The following RBFOX1 variants were observed in gnomAD, a reference collection of about 807,000 sequenced individuals.
RBFOX1 encodes RNA binding protein fox-1 homolog 1.
RBFOX1 carries 8 observed loss-of-function variants against 57.7 expected under a neutral mutation model. The observed-to-expected ratio is 0.14, with a 90% confidence interval of 0.08 to 0.25. RBFOX1 has a LOEUF of 0.25. RBFOX1 is among the 10% of genes least tolerant of loss of function. The probability of loss-of-function intolerance (pLI) is 1.00; values close to 1 mark genes in which losing one functional copy is unlikely to be tolerated. For synonymous variants in RBFOX1, 326 were observed against 222.4 expected, an observed-to-expected ratio of 1.47 and a Z score of -4.15; for missense variants, 611 against 548.5, an observed-to-expected ratio of 1.11 and a Z score of -1.14.
At chr16:7,509,390 CTGTGTGTGTGTGTG>C (rs34760329) in intron 4 of RBFOX1, among the ~76,000 whole-genome samples, 1 of 145,054 alleles carries the variant, frequency 6.9e-6, no homozygotes, top group African/African-American at 2.5e-5. Context: ...GAGCCAAGCC[CTGTGTGTGTGTGTG>C]TGTGTGTGTG....
intron 2 of RBFOX1, among the ~76,000 whole-genome samples, chr16:6,544,977 T>C (rs2096875254): frequency 6.6e-6 from 1 of 152,204 alleles, no homozygotes; most frequent in Non-Finnish European, 1.5e-5. Context: ...AAGCATAGGT[T>C]ATTCAGTTTA....
intron 2 of RBFOX1, among the ~76,000 whole-genome samples, chr16:6,525,786 A>G (rs2096569992): frequency 1.3e-5 from 2 of 152,050 alleles, no homozygotes; most frequent in South Asian, 4.1e-4. Flanking sequence ...TAGGGTCATG[A>G]ATCCCATTCA....
rs80250314 is a variant in RBFOX1, at chr16:6,706,469, G to A, written c.-16+51819G>A. Among the ~76,000 whole-genome samples, 447 of 152,308 alleles carry A rather than the reference G, an allele frequency of 2.9e-3. 2 individuals are homozygous for A. In the East Asian group the frequency reaches 0.046, roughly 16 times the overall value. On this transcript the variant is annotated intron_variant, in intron 3 of 15. Coordinates refer to ENST00000550418, the MANE Select transcript of RBFOX1 (RefSeq NM_018723.4). The stretch of plus-strand genomic sequence containing the variant: ...CAGCTTTGGATGGGGGGCCCCTGTA[G>A]GACAGCCTGATGGCTGGTAATGAGG...
chr16:7,220,953 G>C (rs2092682782), intron 4 of RBFOX1, among the ~76,000 whole-genome samples: 1 of 152,090 alleles, frequency 6.6e-6, no homozygotes, highest in African/African-American at 2.4e-5. Context: ...TTCAAAGACT[G>C]ATGAGAAAGG....
chr16:5,426,137 G>T (rs997209430), intron 1 of RBFOX1, among the ~76,000 whole-genome samples: 1 of 152,122 alleles, frequency 6.6e-6, no homozygotes, highest in Non-Finnish European at 1.5e-5. Context: ...TCCCTAAAGT[G>T]AGTCCATTCT....
intron 2 of RBFOX1, among the ~76,000 whole-genome samples, chr16:6,616,765 G>A (rs373258853): frequency 6.6e-6 from 1 of 152,194 alleles, no homozygotes; most frequent in East Asian, 1.9e-4. Flanking sequence ...GCAAAAGGCA[G>A]GGCTTTTCTG....
At chr16:6,944,861 T>A (rs1328707186) in intron 3 of RBFOX1, among the ~76,000 whole-genome samples, 3 of 152,144 alleles carry the variant, frequency 2.0e-5, no homozygotes, top group African/African-American at 7.2e-5. Flanking sequence ...GCAACTCCAA[T>A]TGATTGATGA....
At chr16:5,857,710 C>T (rs1444960131) in intron 3 of RBFOX1, among the ~76,000 whole-genome samples, 1 of 151,876 alleles carries the variant, frequency 6.6e-6, no homozygotes, top group African/African-American at 2.4e-5. Context: ...ACACTTGAGC[C>T]CAGGAGTTCA....
chr16:6,189,578 G>C (rs1171039063), intron 1 of RBFOX1, among the ~76,000 whole-genome samples: 4 of 152,148 alleles, frequency 2.6e-5, no homozygotes, highest in Non-Finnish European at 4.4e-5. Context: ...TGTCCCACCT[G>C]CTCTCGTTGT....
intron 3 of RBFOX1, among the ~76,000 whole-genome samples, chr16:5,660,392 CT>C (rs2049606338): frequency 6.6e-6 from 1 of 152,104 alleles, no homozygotes; most frequent in African/African-American, 2.4e-5. Flanking sequence ...GGGTCTTTGG[CT>C]CATCATTTTA....
At position 6,822,937 on chromosome 16, in the gene RBFOX1, G is replaced by T. The variant is rs565649172; in HGVS notation, c.-16+168287G>T. On this transcript the variant is annotated intron_variant, in intron 3 of 15. Transcript: ENST00000550418. ...TGCTGCTGCAGCAGAGGATAGTTCT[G>T]ATAACCATTAGAGTTCATGGACAAA... Among the ~76,000 whole-genome samples, 7 of 152,316 alleles carry T rather than the reference G, an allele frequency of 4.6e-5. No homozygotes were observed. The South Asian group carries it at 1.5e-3, about 32-fold the overall frequency.
chr16:6,967,126 C>G (rs999007649), intron 3 of RBFOX1, among the ~76,000 whole-genome samples: 3 of 152,152 alleles, frequency 2.0e-5, no homozygotes, highest in South Asian at 2.1e-4. Context: ...CATTACTTAT[C>G]TATTTAAACA....
At chr16:7,333,083 A>G (rs1174198005) in intron 4 of RBFOX1, 1 of 1,613,458 alleles carries the variant, frequency 6.2e-7, no homozygotes, top group African/African-American at 1.3e-5. Flanking sequence ...TCCTGGACTG[A>G]TTCAGGTAAT....
intron 2 of RBFOX1, among the ~76,000 whole-genome samples, chr16:6,478,028 G>C (rs2095301147): frequency 6.6e-6 from 1 of 152,008 alleles, no homozygotes; most frequent in Admixed American, 6.6e-5. Context: ...TCTGGATTAG[G>C]CTTTGGCTTA....
intron 1 of RBFOX1, among the ~76,000 whole-genome samples, chr16:6,074,211 G>A (rs1294882606): frequency 2.6e-5 from 4 of 152,160 alleles, no homozygotes; most frequent in Non-Finnish European, 4.4e-5. Flanking sequence ...GCCTACCAAA[G>A]TGCTGGGATT....
chr16:5,968,600 G>T (rs879208580), intron 4 of RBFOX1, among the ~76,000 whole-genome samples: 1 of 151,796 alleles, frequency 6.6e-6, no homozygotes, highest in Admixed American at 6.6e-5. Context: ...TAAATCATGT[G>T]TTCTTTTGCC....
chr16:7,194,957 A>G (rs1330018886), intron 4 of RBFOX1, among the ~76,000 whole-genome samples: 1 of 151,700 alleles, frequency 6.6e-6, no homozygotes. Context: ...GAAGAATTCA[A>G]AGACAGCTGA....
intron 7 of RBFOX1, among the ~76,000 whole-genome samples, chr16:7,589,912 G>GGTGTGT (rs3029164): frequency 0.05 from 6,690 of 134,948 alleles, 265 homozygotes; most frequent in African/African-American, 0.094. Context: ...GTGTGTGCTG[G>GGTGTGT]GTGTGTGTGT....
intron 2 of RBFOX1, among the ~76,000 whole-genome samples, chr16:6,519,558 A>C (rs911223800): frequency 1.3e-5 from 2 of 152,072 alleles, no homozygotes; most frequent in African/African-American, 4.8e-5. Context: ...AAAATTAGCC[A>C]GGCGTGGTGG....
Sources: allele counts gnomAD v4.1 joint callset (sites outside exome capture counted in the v4.1 genomes callset), GRCh38; gene constraint gnomAD v4.1.1; transcripts MANE v1.5; gene names NCBI Gene and HGNC (gene_info 2026-07-23, HGNC 2026-07-21).